LRP1B: variants seen among roughly 807,000 people sequenced by gnomAD.
The protein encoded by LRP1B is low-density lipoprotein receptor-related protein 1B.
A neutral mutation model predicts 556.6 loss-of-function variants in LRP1B; 217 were observed. That is an observed-to-expected ratio of 0.39 (90% CI 0.35 to 0.44). The LOEUF (loss-of-function observed/expected upper bound fraction) is 0.44. LRP1B is among the 20% of genes least tolerant of loss of function. The pLI, the probability that LRP1B is intolerant of heterozygous loss-of-function variation, is 1.00. For missense variants in LRP1B, 5,053 were observed against 5,620.8 expected (o/e 0.90, Z 3.23); for synonymous variants, 2,047 against 1,865.8 (o/e 1.10, Z -2.50).
intron 7 of LRP1B, among the ~76,000 whole-genome samples, chr2:141,174,701 A>G (rs757662670): frequency 6.6e-6 from 1 of 152,098 alleles, no homozygotes; most frequent in Non-Finnish European, 1.5e-5. Flanking sequence ...GAGTGGACTA[A>G]CATTAGGATA....
At chr2:140,293,531 T>G (rs1198858666) in intron 84 of LRP1B, among the ~76,000 whole-genome samples, 2 of 152,186 alleles carry the variant, frequency 1.3e-5, no homozygotes, top group African/African-American at 4.8e-5. Context: ...TCAGCACAAC[T>G]AAGAGCTGAT....
At position 140,701,793 on chromosome 2, in the gene LRP1B, T is replaced by C. The variant is rs747914567; in HGVS notation, c.6355A>G (p.Thr2119Ala). 3.7e-6 allele frequency: 6 copies of C among 1,613,244 alleles called. No individual in the cohort carries two copies. The East Asian group carries it at 1.3e-4, about 36-fold the overall frequency. ...CCAAGGCCGGTTCTCATGGTTATCG[T>C]TTCTGTGGCATCATTCTTGTGGCCC... ...RRGHKNDATE[T>A]ITMRTGLGVN... Residue 2119 changes from threonine (T) to alanine (A), a missense_variant, in exon 40 of 91, where the codon ACG (threonine) becomes GCG (alanine). Thr to Ala is a moderately conservative substitution (Grantham distance 58, BLOSUM62 0). Around this residue, in one of 5 missense-constraint regions of LRP1B, gnomAD observed 3,619 missense variants for 3,931.9 expected, o/e 0.92. Coordinates refer to ENST00000389484, the MANE Select transcript of LRP1B (RefSeq NM_018557.3).
At chr2:141,841,570 C>T (rs1223748788) in intron 1 of LRP1B, among the ~76,000 whole-genome samples, 1 of 152,186 alleles carries the variant, frequency 6.6e-6, no homozygotes, top group Non-Finnish European at 1.5e-5. Flanking sequence ...TCATTGCTAT[C>T]AATGCCTTTC....
At chr2:141,062,634 G>A (rs903532828) in intron 7 of LRP1B, among the ~76,000 whole-genome samples, 1 of 151,776 alleles carries the variant, frequency 6.6e-6, no homozygotes, top group African/African-American at 2.4e-5. Context: ...GGGCATGTGA[G>A]CTATCAGCCT....
chr2:142,092,092 G>A (rs889858588), intron 1 of LRP1B, among the ~76,000 whole-genome samples: 1 of 152,150 alleles, frequency 6.6e-6, no homozygotes, highest in Non-Finnish European at 1.5e-5. Flanking sequence ...CAGAACCCCT[G>A]TGCCATCTCC....
intron 3 of LRP1B, among the ~76,000 whole-genome samples, chr2:141,347,242 G>A (rs1347079435): frequency 6.6e-6 from 1 of 151,796 alleles, no homozygotes; most frequent in Non-Finnish European, 1.5e-5. Context: ...TCTGAGTCAG[G>A]TATAAAAATT....
chr2:140,625,045 AGAG>A (rs1384802093), intron 41 of LRP1B, among the ~76,000 whole-genome samples: 1 of 152,174 alleles, frequency 6.6e-6, no homozygotes, highest in African/African-American at 2.4e-5. Flanking sequence ...GAAAGGAGGA[AGAG>A]GAGAACATGC....
intron 14 of LRP1B, among the ~76,000 whole-genome samples, chr2:141,009,787 C>T (rs1221822749): frequency 1.3e-5 from 2 of 151,900 alleles, no homozygotes; most frequent in South Asian, 2.1e-4. Context: ...GATAAAATTA[C>T]AATGACCAAA....
At chr2:141,400,424 T>C (rs1028587095) in intron 3 of LRP1B, among the ~76,000 whole-genome samples, 5 of 152,242 alleles carry the variant, frequency 3.3e-5, no homozygotes. Flanking sequence ...CTGTATTCAA[T>C]GTAGACATTT....
intron 7 of LRP1B, among the ~76,000 whole-genome samples, chr2:141,077,860 A>G (rs948091184): frequency 6.6e-5 from 10 of 152,146 alleles, no homozygotes; most frequent in Non-Finnish European, 1.3e-4. Context: ...TGACTAATAC[A>G]GTATCCAAAA....
chr2:141,902,179 A>C (rs1276531225), intron 1 of LRP1B, among the ~76,000 whole-genome samples: 1 of 151,432 alleles, frequency 6.6e-6, no homozygotes, highest in Non-Finnish European at 1.5e-5. Context: ...CATATTAATA[A>C]TAATAATAAT....
At chr2:141,165,553 G>T (rs996375909) in intron 7 of LRP1B, among the ~76,000 whole-genome samples, 6 of 151,814 alleles carry the variant, frequency 4.0e-5, no homozygotes, top group African/African-American at 1.5e-4. Flanking sequence ...ATTTACAAGT[G>T]AATTATTCAC....
intron 43 of LRP1B, among the ~76,000 whole-genome samples, chr2:140,588,669 A>G (rs949401980): frequency 2.6e-5 from 4 of 152,220 alleles, no homozygotes; most frequent in African/African-American, 9.6e-5. Flanking sequence ...GCAATTAGAG[A>G]AAAGATGGAC....
intron 1 of LRP1B, among the ~76,000 whole-genome samples, chr2:141,922,636 G>A (rs1700221509): frequency 1.3e-5 from 2 of 152,118 alleles, no homozygotes. Context: ...GAACTGAATG[G>A]AATAAATTGC....
chr2:140,419,881 G>A (rs1685359892), intron 66 of LRP1B, among the ~76,000 whole-genome samples: 1 of 152,008 alleles, frequency 6.6e-6, no homozygotes, highest in Non-Finnish European at 1.5e-5. Flanking sequence ...GGTGGCACAT[G>A]ACTGTAATCC....
chr2:140,863,176 T>C (rs1692849991), intron 27 of LRP1B, among the ~76,000 whole-genome samples: 1 of 152,022 alleles, frequency 6.6e-6, no homozygotes, highest in South Asian at 2.1e-4. Context: ...ATATATGTGT[T>C]ACACACACAC....
intron 32 of LRP1B, among the ~76,000 whole-genome samples, chr2:140,798,580 A>C (rs1405006002): frequency 6.6e-6 from 1 of 152,192 alleles, no homozygotes; most frequent in Non-Finnish European, 1.5e-5. Flanking sequence ...TTTTTTGTAC[A>C]GTGCAGGTTT....
chr2:142,115,790 C>A (rs192189043), intron 1 of LRP1B, among the ~76,000 whole-genome samples: 1,112 of 5,710 alleles, frequency 0.19, 413 homozygotes, highest in Non-Finnish European at 0.28. Context: ...TAATATATAT[C>A]ATATATATGT....
At position 141,031,153 on chromosome 2, in the gene LRP1B, C is replaced by T. The variant is rs1698356675; in HGVS notation, c.1790-11051G>A. Among the ~76,000 whole-genome samples, 9 of 151,574 alleles carry T rather than the reference C, an allele frequency of 5.9e-5. No individual in the cohort carries two copies. In the South Asian group the frequency reaches 1.9e-3, roughly 32 times the overall value. ...GTCAATAAAATATGATTTACATTAGCTTAAAATACAATTTTAAGTGCTGAG... is the reference window on the plus strand; with the variant it reads ...GTCAATAAAATATGATTTACATTAGTTTAAAATACAATTTTAAGTGCTGAG... On this transcript the variant is annotated intron_variant, in intron 11 of 90. Coordinates refer to ENST00000389484, the MANE Select transcript of LRP1B (RefSeq NM_018557.3).
Sources: gnomAD v4.1 joint callset for allele counts (sites outside exome capture counted in the v4.1 genomes callset) on GRCh38, gnomAD v4.1.1 for gene constraint, gnomAD v4.1.1 regional missense constraint, MANE v1.5 for transcripts, NCBI Gene and HGNC (gene_info 2026-07-23, HGNC 2026-07-21) for gene names.